UBE2QL1: variants seen among roughly 807,000 people sequenced by gnomAD.
The protein encoded by UBE2QL1 is ubiquitin-conjugating enzyme E2Q-like protein 1.
Under a neutral mutation model 12.6 loss-of-function variants are expected in UBE2QL1, and 5 were observed. That is an observed-to-expected ratio of 0.40 (90% CI 0.21 to 0.83). UBE2QL1 has a LOEUF of 0.83. UBE2QL1 is among the 40% of genes least tolerant of loss of function. The pLI, the probability that UBE2QL1 is intolerant of heterozygous loss-of-function variation, is 0.37. For synonymous variants in UBE2QL1, 96 were observed against 94.5 expected, an observed-to-expected ratio of 1.02 and a Z score of -0.10; for missense variants, 99 against 222.6, an observed-to-expected ratio of 0.44 and a Z score of 3.53.
rs1285318706 is a variant in UBE2QL1 at position 6,477,573 on chromosome 5, G to T, written c.355-13645G>T. Among the ~76,000 whole-genome samples, 5 of 152,238 alleles carry T rather than the reference G, an allele frequency of 3.3e-5. No individual in the cohort carries two copies. In the East Asian group the frequency reaches 9.6e-4, roughly 29 times the overall value. ...GTGGGGCTTTGTTCAAAATAAAGAGGTTAAAAGAGAGACCATTTAGGCAGA... is the reference window on the plus strand; with the variant it reads ...GTGGGGCTTTGTTCAAAATAAAGAGTTTAAAAGAGAGACCATTTAGGCAGA... On this transcript the variant is annotated intron_variant, in intron 1 of 1. Coordinates refer to ENST00000399816, the MANE Select transcript of UBE2QL1 (RefSeq NM_001145161.3).
At chr5:6,449,876 C>CCG (rs1739377730) in intron 1 of UBE2QL1, among the ~76,000 whole-genome samples, 1 of 131,970 alleles carries the variant, frequency 7.6e-6, no homozygotes, top group Non-Finnish European at 1.6e-5. Context: ...CAACCCCCCC[C>CCG]ACACACACAC....
At chr5:6,455,759 T>C (rs1472757) in intron 1 of UBE2QL1, among the ~76,000 whole-genome samples, 64,996 of 151,392 alleles carry the variant, frequency 0.43, 16,036 homozygotes, top group Non-Finnish European at 0.57. Context: ...AGACACAGCC[T>C]CACCCACCAG....
intron 1 of UBE2QL1, among the ~76,000 whole-genome samples, chr5:6,453,073 G>A (rs996443195): frequency 2.0e-5 from 3 of 152,096 alleles, no homozygotes; most frequent in Non-Finnish European, 4.4e-5. Flanking sequence ...AATAATAACT[G>A]CAGCAGCAGC....
At chr5:6,462,995 G>T (rs1440938372) in intron 1 of UBE2QL1, among the ~76,000 whole-genome samples, 2 of 152,238 alleles carry the variant, frequency 1.3e-5, no homozygotes, top group African/African-American at 4.8e-5. Flanking sequence ...AAAGCTTTCA[G>T]AGTGTGCATC....
In UBE2QL1 at chr5:6,481,287, G is replaced by T. The variant is rs117935885; in HGVS notation, c.355-9931G>T. Among the ~76,000 whole-genome samples the T allele has an allele frequency of 6.6e-6, 1 of 152,304 alleles. No homozygotes were observed. Among genetic ancestry groups the T allele is most frequent in the African/African-American group, 2.4e-5 (1 of 41,562 alleles). On this transcript the variant is annotated intron_variant, in intron 1 of 1. Coordinates refer to ENST00000399816, the MANE Select transcript of UBE2QL1 (RefSeq NM_001145161.3). The surrounding 1 kb of genome is among the most constrained non-coding windows in gnomAD (Gnocchi z 4.5). The stretch of plus-strand genomic sequence containing the variant: ...TCCTAAGACAGCGTCTCTCTCTGCA[G>T]GCCTGGCCCCGGGTCACTTGGCATG...
At chr5:6,483,432 C>T (rs272457) in intron 1 of UBE2QL1, among the ~76,000 whole-genome samples, 74,702 of 151,006 alleles carry the variant, frequency 0.49, 20,198 homozygotes, top group African/African-American at 0.73. Flanking sequence ...GAGTGAGACT[C>T]TGTCTAAAAT....
chr5:6,460,299 G>A (rs1178801447), intron 1 of UBE2QL1, among the ~76,000 whole-genome samples: 7 of 152,308 alleles, frequency 4.6e-5, no homozygotes, highest in African/African-American at 1.7e-4. Context: ...TCCTTGCATA[G>A]GTAAGGTGAT....
intron 1 of UBE2QL1, among the ~76,000 whole-genome samples, chr5:6,453,732 C>G (rs79664667): frequency 3.6e-4 from 50 of 140,240 alleles, no homozygotes; most frequent in South Asian, 1.4e-3. Flanking sequence ...CACACACACA[C>G]AGAGACATAC....
chr5:6,468,739 C>T (rs1732454938), intron 1 of UBE2QL1, among the ~76,000 whole-genome samples: 1 of 152,232 alleles, frequency 6.6e-6, no homozygotes, highest in African/African-American at 2.4e-5. Context: ...CTTATAGTTA[C>T]TTCCGGAAAT....
intron 1 of UBE2QL1, among the ~76,000 whole-genome samples, chr5:6,450,399 C>T (rs1025904594): frequency 3.3e-5 from 5 of 152,226 alleles, no homozygotes; most frequent in Admixed American, 3.3e-4. Context: ...ATGGTGTTAT[C>T]TGCTCGAATT....
intron 1 of UBE2QL1, among the ~76,000 whole-genome samples, chr5:6,467,058 C>T (rs1299386829): frequency 2.0e-5 from 3 of 152,128 alleles, no homozygotes; most frequent in African/African-American, 7.2e-5. Flanking sequence ...TAAATAACTT[C>T]TCTGTAAACA....
In UBE2QL1 at chr5:6,495,589, C is replaced by T. The variant is rs1734652870; in HGVS notation, c.*4240C>T. 6.6e-6 allele frequency among the ~76,000 whole-genome samples: 1 copy of T among 152,162 alleles called. No homozygotes were observed. The highest frequency in any genetic ancestry group is 1.5e-5 in the Non-Finnish European group (1 of 68,024). On this transcript the variant is annotated 3_prime_UTR_variant, in exon 2 of 2. Coordinates refer to ENST00000399816, the MANE Select transcript of UBE2QL1 (RefSeq NM_001145161.3). ...CCTCACCAAACACACACTCTTCACC[C>T]CATCATTGAATCAGTACAGTTGCAA...
chr5:6,452,783 T>C (rs145831919), intron 1 of UBE2QL1, among the ~76,000 whole-genome samples: 327 of 152,340 alleles, frequency 2.1e-3, no homozygotes, highest in African/African-American at 7.3e-3. Flanking sequence ...CAGAGTTTAC[T>C]GGCTTCCACT....
intron 1 of UBE2QL1, among the ~76,000 whole-genome samples, chr5:6,480,083 T>G (rs1734328687): frequency 6.6e-6 from 1 of 151,930 alleles, no homozygotes; most frequent in Non-Finnish European, 1.5e-5. Context: ...TCGTTTGTGT[T>G]TGTTTGTTTG....
In UBE2QL1 at chr5:6,479,292, G is replaced by T. The variant is rs539761864; in HGVS notation, c.355-11926G>T. Among the ~76,000 whole-genome samples, 1 of 152,108 alleles carries T rather than the reference G, an allele frequency of 6.6e-6. No homozygotes were observed. The highest frequency in any genetic ancestry group is 1.5e-5 in the Non-Finnish European group (1 of 68,034). ...CCAAGAAGAAGGAAAAACATGGAAC[G>T]CTGAGGAAGACCAACTGTGCAGGGA... On this transcript the variant is annotated intron_variant, in intron 1 of 1. Coordinates refer to ENST00000399816, the MANE Select transcript of UBE2QL1 (RefSeq NM_001145161.3). The surrounding 1 kb of genome is among the most constrained non-coding windows in gnomAD (Gnocchi z 4.2).
In UBE2QL1 at chr5:6,479,795, T is replaced by C. The variant is rs1337331917; in HGVS notation, c.355-11423T>C. On this transcript the variant is annotated intron_variant, in intron 1 of 1. Coordinates refer to ENST00000399816, the MANE Select transcript of UBE2QL1 (RefSeq NM_001145161.3). The surrounding 1 kb of genome is among the most constrained non-coding windows in gnomAD (Gnocchi z 4.2). The stretch of plus-strand genomic sequence containing the variant: ...TGACAAACACAGACTGCCCCCATCA[T>C]CTCGGGACAGAGACTCACCAGGGAG... Among the ~76,000 whole-genome samples the C allele has an allele frequency of 2.6e-5, 4 of 152,104 alleles. No individual in the cohort carries two copies.
Position 6,479,308 on chromosome 5 carries a change from T to G in UBE2QL1, c.355-11910T>G, listed in dbSNP as rs1734312947. Among the ~76,000 whole-genome samples the G allele has an allele frequency of 6.6e-6, 1 of 152,080 alleles. No homozygotes were observed. Among genetic ancestry groups the G allele is most frequent in the Non-Finnish European group, 1.5e-5 (1 of 68,014 alleles). On this transcript the variant is annotated intron_variant, in intron 1 of 1. Transcript: ENST00000399816. The surrounding 1 kb of genome is among the most constrained non-coding windows in gnomAD (Gnocchi z 4.2). ...ACATGGAACGCTGAGGAAGACCAAC[T>G]GTGCAGGGAAAAGAGCTGGCCGGAT... is the stretch of plus-strand genomic sequence containing the variant.
intron 1 of UBE2QL1, among the ~76,000 whole-genome samples, chr5:6,482,265 A>C (rs1022046993): frequency 3.9e-5 from 6 of 152,124 alleles, no homozygotes; most frequent in Non-Finnish European, 8.8e-5. Context: ...TGGCCACCTG[A>C]ACTGTGAGAG....
chr5:6,473,320 A>G (rs1734134948), intron 1 of UBE2QL1, among the ~76,000 whole-genome samples: 1 of 152,136 alleles, frequency 6.6e-6, no homozygotes, highest in Admixed American at 6.5e-5. Context: ...TACAGGAAAC[A>G]TATATTCTGG....
Sources: gnomAD v4.1 joint callset for allele counts (sites outside exome capture counted in the v4.1 genomes callset) on GRCh38, gnomAD v4.1.1 for gene constraint, Gnocchi (gnomAD v3.1) non-coding constraint, MANE v1.5 for transcripts, NCBI Gene and HGNC (gene_info 2026-07-23, HGNC 2026-07-21) for gene names.